Variants in TMEM30A observed in about 807,000 individuals in gnomAD.
The protein encoded by TMEM30A is cell cycle control protein 50A.
In TMEM30A, 24 loss-of-function variants were observed where a neutral mutation model predicts 38.2. That is an observed-to-expected ratio of 0.63 (90% CI 0.46 to 0.88). TMEM30A has a LOEUF of 0.88. TMEM30A is among the 40% of genes least tolerant of loss of function. The probability of loss-of-function intolerance (pLI) is 0.00; values close to 1 mark genes in which losing one functional copy is unlikely to be tolerated. For synonymous variants in TMEM30A, 145 were observed against 161.6 expected (o/e 0.90, Z 0.78); for missense variants, 370 against 458.6 (o/e 0.81, Z 1.77).
At chr6:75,260,539 T>C (rs1008743652) in intron 4 of TMEM30A, among the ~76,000 whole-genome samples, 7 of 152,210 alleles carry the variant, frequency 4.6e-5, no homozygotes, top group African/African-American at 7.2e-5. Context: ...TTTTCAATGA[T>C]AAAAATGAAG....
At chr6:75,275,027 A>G (rs1242461629) in intron 1 of TMEM30A, among the ~76,000 whole-genome samples, 1 of 137,892 alleles carries the variant, frequency 7.3e-6, no homozygotes, top group East Asian at 2.2e-4. Flanking sequence ...AAAAAAAAAA[A>G]GTCAGTTCTC....
At chr6:75,259,013 G>A (rs751483800) in intron 5 of TMEM30A, 27 bp from the exon 6 acceptor site, 1 of 1,575,802 alleles carries the variant, frequency 6.3e-7, no homozygotes, top group South Asian at 1.1e-5. Flanking sequence ...AGGGGATAAG[G>A]AGACAAAATA....
rs1378481078 is a variant in TMEM30A at position 75,259,355 on chromosome 6, C to T, written c.677G>A (p.Arg226Gln). The stretch of plus-strand genomic sequence containing the variant: ...TATTAGTAATGTTTTACCTTTAAAT[C>T]GTTCTTCCAGGTTGTCTCCTCCAGG... ...NPPGGDNLEERFKGTTKPVNW... is the reference protein window; with the variant it reads ...NPPGGDNLEEQFKGTTKPVNW... The change falls in exon 5 of 7, where the codon CGA becomes CAA. Residue 226 changes from arginine (R) to glutamine (Q), a missense_variant. Coordinates refer to ENST00000230461, the MANE Select transcript of TMEM30A (RefSeq NM_018247.4). 1.1e-5 allele frequency: 17 copies of T among 1,609,968 alleles called. No individual in the cohort carries two copies. Among genetic ancestry groups the T allele is most frequent in the East Asian group, 2.2e-5 (1 of 44,742 alleles).
intron 4 of TMEM30A, among the ~76,000 whole-genome samples, chr6:75,260,106 G>T (rs901112161): frequency 1.3e-5 from 2 of 151,978 alleles, no homozygotes; most frequent in African/African-American, 2.4e-5. Context: ...ATGACTATTA[G>T]AAAATTTAAA....
intron 1 of TMEM30A, among the ~76,000 whole-genome samples, chr6:75,275,372 T>C (rs1320794651): frequency 6.6e-6 from 1 of 152,232 alleles, no homozygotes; most frequent in African/African-American, 2.4e-5. Flanking sequence ...CCCCTTGAAC[T>C]CTATATTTGT....
At chr6:75,277,084 T>C (rs1772274119) in intron 1 of TMEM30A, among the ~76,000 whole-genome samples, 1 of 152,110 alleles carries the variant, frequency 6.6e-6, no homozygotes, top group Non-Finnish European at 1.5e-5. Context: ...CTTCATAGGA[T>C]TTTTTACCAT....
intron 3 of TMEM30A, among the ~76,000 whole-genome samples, chr6:75,264,957 G>A (rs1772041258): frequency 6.6e-6 from 1 of 151,962 alleles, no homozygotes; most frequent in African/African-American, 2.4e-5. Context: ...AAAATTAGCT[G>A]GGTGTGGTGG....
Position 75,254,739 on chromosome 6 carries a change from C to T in TMEM30A, c.*1363G>A, listed in dbSNP as rs1216007839. ...ATGAGTTATTTCAGTAAAAAAACAA[C>T]AACAAAAAAGCAATTTCAATGTAAT... On this transcript the variant is annotated 3_prime_UTR_variant, in exon 7 of 7. Coordinates refer to ENST00000230461, the MANE Select transcript of TMEM30A (RefSeq NM_018247.4). 1 of 152,158 alleles carries T rather than the reference C, an allele frequency of 6.6e-6. No homozygotes were observed. The highest frequency in any genetic ancestry group is 1.9e-4 in the East Asian group (1 of 5,184). The allele number at this position is 152,158 out of a possible 1,614,324, so 9.4% of individuals were successfully genotyped here. A position where few individuals can be genotyped will look rare whatever the true frequency, so the allele number is the denominator to read the frequency against.
rs116312413 is a variant in TMEM30A, at chr6:75,273,709, G to A, written c.238-5961C>T. On this transcript the variant is annotated intron_variant, in intron 1 of 6. Transcript: ENST00000230461. ...TTTGTTAAATTTTCAGCACTCTCTA[G>A]ATTACTCTTCAATAGGCAAATTTGT... Among the ~76,000 whole-genome samples the A allele has an allele frequency of 2.9e-3, 437 of 152,238 alleles. 6 individuals carry two copies. The highest frequency in any genetic ancestry group is 9.7e-3 in the African/African-American group (404 of 41,530).
At chr6:75,265,912 T>C (rs571977649) in intron 2 of TMEM30A, among the ~76,000 whole-genome samples, 1 of 152,202 alleles carries the variant, frequency 6.6e-6, no homozygotes, top group Non-Finnish European at 1.5e-5. Context: ...AATTGGGATA[T>C]AATAAATTCC....
intron 3 of TMEM30A, among the ~76,000 whole-genome samples, chr6:75,264,573 C>T (rs940120820): frequency 6.6e-6 from 1 of 151,690 alleles, no homozygotes; most frequent in Non-Finnish European, 1.5e-5. Flanking sequence ...GAGGTGGAGG[C>T]TGCAGTGAGC....
At chr6:75,262,888 A>G (rs904106031) in intron 3 of TMEM30A, among the ~76,000 whole-genome samples, 14 of 152,264 alleles carry the variant, frequency 9.2e-5, no homozygotes, top group Non-Finnish European at 2.1e-4. Context: ...AATGCCTTCC[A>G]TGTGCAAGCA....
chr6:75,279,476 A>G (rs1206210544), intron 1 of TMEM30A, among the ~76,000 whole-genome samples: 1 of 152,194 alleles, frequency 6.6e-6, no homozygotes, highest in African/African-American at 2.4e-5. Context: ...GAGGCTACCA[A>G]GTGGAAGACA....
rs557948243 is a variant in TMEM30A at position 75,256,198 on chromosome 6, G to A, written c.990C>T (p.Ile330=). 2.9e-5 allele frequency: 46 copies of A among 1,613,256 alleles called. No individual in the cohort carries two copies. Among genetic ancestry groups the A allele is most frequent in the East Asian group, 1.6e-4 (7 of 44,864 alleles). Residue 330 remains isoleucine (I), a synonymous_variant, in exon 7 of 7, where the codon ATC becomes ATT. Coordinates refer to ENST00000230461, the MANE Select transcript of TMEM30A (RefSeq NM_018247.4). ...GAAGGAAGGAGATGGATCCAACAGC[G>A]ATGTAAGCAATCCCCAAAAATGGAT... ...GKNPFLGIAY[I]AVGSISFLLG...
rs545160053 is a variant in TMEM30A, at chr6:75,268,612, C to T, written c.238-864G>A. The stretch of plus-strand genomic sequence containing the variant: ...TAAAAGCTCTGCATTCAGGACTGTT[C>T]GAGACCTTGCTATATGTGTCTTCTA... On this transcript the variant is annotated intron_variant, in intron 1 of 6. Coordinates refer to ENST00000230461, the MANE Select transcript of TMEM30A (RefSeq NM_018247.4). 1.2e-4 allele frequency among the ~76,000 whole-genome samples: 18 copies of T among 152,242 alleles called. No individual in the cohort carries two copies. In the East Asian group the frequency reaches 3.5e-3, roughly 29 times the overall value.
intron 3 of TMEM30A, among the ~76,000 whole-genome samples, chr6:75,263,419 T>C (rs1772007302): frequency 6.6e-6 from 1 of 152,186 alleles, no homozygotes; most frequent in East Asian, 1.9e-4. Flanking sequence ...GCTATGAGAA[T>C]GGCCTGGAAA....
intron 1 of TMEM30A, among the ~76,000 whole-genome samples, chr6:75,274,858 A>G (rs1442218383): frequency 6.6e-6 from 1 of 152,136 alleles, no homozygotes; most frequent in East Asian, 1.9e-4. Flanking sequence ...AAAAATACAA[A>G]AAATTAGCCA....
At chr6:75,269,535 T>C (rs1040663851) in intron 1 of TMEM30A, among the ~76,000 whole-genome samples, 3 of 152,258 alleles carry the variant, frequency 2.0e-5, no homozygotes, top group Admixed American at 2.0e-4. Flanking sequence ...TTTATTGATT[T>C]GTTCACCTAC....
intron 1 of TMEM30A, among the ~76,000 whole-genome samples, chr6:75,279,635 T>G (rs191519105): frequency 9.9e-5 from 15 of 152,210 alleles, no homozygotes; most frequent in African/African-American, 3.6e-4. Context: ...CAGATGTAGA[T>G]GAGCAGATAG....
Sources: allele counts gnomAD v4.1 joint callset (sites outside exome capture counted in the v4.1 genomes callset), GRCh38; gene constraint gnomAD v4.1.1; transcripts MANE v1.5; gene names NCBI Gene and HGNC (gene_info 2026-07-23, HGNC 2026-07-21).